Variants in ATR observed in about 807,000 individuals in gnomAD.
ATR encodes ATR checkpoint kinase.
Under a neutral mutation model 305.3 loss-of-function variants are expected in ATR, and 142 were observed. That is an observed-to-expected ratio of 0.47 (90% confidence interval 0.41 to 0.53). ATR has a LOEUF of 0.53. Among genes scored for constraint, ATR ranks in the 20% least tolerant of loss-of-function variants. ATR has a pLI of 0.00. For missense variants in ATR, 2,135 were observed against 3,133.1 expected (o/e 0.68, Z 7.60); for synonymous variants, 1,050 against 1,068.1 (o/e 0.98, Z 0.33).
chr3:142,449,479 C>G lies in ATR; in HGVS notation c.7885G>C (p.Asp2629His). 3.7e-6 allele frequency: 6 copies of G among 1,613,386 alleles called. No homozygotes were observed. Among genetic ancestry groups the G allele is most frequent in the Non-Finnish European group, 4.2e-6 (5 of 1,179,322 alleles). ...HVHYLIQEAT[D>H]ENLLCQMYLG... ...TACATCTGGCATAGTAAGTTTTCAT[C>G]AGTAGCTTCCTGTATAAGGTAATGC... The change falls in exon 47 of 47, where the codon GAT becomes CAT. Residue 2629 changes from aspartate to histidine, a missense_variant. Asp to His is a moderately conservative substitution (Grantham distance 81). Coordinates refer to ENST00000350721, the MANE Select transcript of ATR (RefSeq NM_001184.4).
chr3:142,547,740 TATG>T lies in ATR; in HGVS notation c.3339_3341del (p.Ile1114del), dbSNP rs779715723. On this transcript the variant is annotated inframe_deletion, in exon 16 of 47. Transcript: ENST00000350721. ...TATTCCTTACCATCAGTTCAGGTGA[TATG>T]ATATCTCTCGGGCCCTGATATGGAT... 61 of 1,613,724 alleles carry T rather than the reference TATG, an allele frequency of 3.8e-5. No homozygotes were observed. Among genetic ancestry groups the T allele is most frequent in the Non-Finnish European group, 4.8e-5 (57 of 1,179,830 alleles).
At chr3:142,508,817 G>A (rs1202683597) in intron 27 of ATR, among the ~76,000 whole-genome samples, 6 of 151,840 alleles carry the variant, frequency 4.0e-5, no homozygotes, top group South Asian at 2.1e-4. Context: ...CCAGCTACTC[G>A]GGGGGCTGAG....
intron 36 of ATR, among the ~76,000 whole-genome samples, chr3:142,481,477 A>G (rs2030479999): frequency 6.6e-6 from 1 of 152,186 alleles, no homozygotes; most frequent in Non-Finnish European, 1.5e-5. Context: ...CATGAGGTTT[A>G]CCAGACTTTT....
At chr3:142,541,107 A>G in intron 17 of ATR, 73 bp from the exon 18 acceptor site, 1 of 1,541,874 alleles carries the variant, frequency 6.5e-7, no homozygotes, top group South Asian at 1.1e-5. Flanking sequence ...CCTAAGGACA[A>G]GTGCTTCCCA....
At chr3:142,475,853 G>C (rs1014365271) in intron 36 of ATR, among the ~76,000 whole-genome samples, 3 of 152,222 alleles carry the variant, frequency 2.0e-5, no homozygotes, top group Non-Finnish European at 2.9e-5. Context: ...GGCCAGTGAT[G>C]ATGAGCATTT....
At chr3:142,489,418 A>C (rs1211325110) in intron 35 of ATR, among the ~76,000 whole-genome samples, 1 of 152,202 alleles carries the variant, frequency 6.6e-6, no homozygotes, top group Admixed American at 6.5e-5. Context: ...AAGAAGATGA[A>C]CATTCCTAAC....
chr3:142,515,545 A>T, intron 24 of ATR, 30 bp from the exon 25 acceptor site: 1 of 1,579,544 alleles, frequency 6.3e-7, no homozygotes, highest in Non-Finnish European at 8.7e-7. Flanking sequence ...TTTATTAAAA[A>T]GATAAATCCA....
intron 45 of ATR, among the ~76,000 whole-genome samples, chr3:142,457,172 G>C (rs2070926367): frequency 1.3e-5 from 2 of 152,180 alleles, no homozygotes; most frequent in South Asian, 4.1e-4. Context: ...ATTACATTAA[G>C]TGAAAGAAGA....
At chr3:142,454,437 CTTTT>C (rs760823609) in intron 45 of ATR, among the ~76,000 whole-genome samples, 2 of 101,470 alleles carry the variant, frequency 2.0e-5, no homozygotes, top group African/African-American at 5.0e-5. Flanking sequence ...TGATAGACAG[CTTTT>C]TTTTTTTTTT....
chr3:142,478,540 G>A (rs2030103978), intron 36 of ATR, among the ~76,000 whole-genome samples: 1 of 152,208 alleles, frequency 6.6e-6, no homozygotes, highest in Admixed American at 6.5e-5. Context: ...TAGGTGTGGT[G>A]TGGTGCTGAG....
chr3:142,495,638 G>A (rs1263885606), intron 34 of ATR, among the ~76,000 whole-genome samples: 3 of 152,124 alleles, frequency 2.0e-5, no homozygotes, highest in Non-Finnish European at 4.4e-5. Flanking sequence ...CAGCTACTCA[G>A]GAGGCTGAGG....
chr3:142,462,076 ATCTTT>A lies in ATR; in HGVS notation c.7051_7055del (p.Lys2351CysfsTer5), dbSNP rs755021350. 2.5e-6 allele frequency: 4 copies of A among 1,612,502 alleles called. No homozygotes were observed. The highest frequency in any genetic ancestry group is 3.4e-6 in the Non-Finnish European group (4 of 1,179,268). On this transcript the variant is annotated frameshift_variant, in exon 42 of 47. Coordinates refer to ENST00000350721, the MANE Select transcript of ATR (RefSeq NM_001184.4). LOFTEE classifies it high-confidence loss of function. ...GAAGTTCTCTTCTACGAGACTCTGC[ATCTTT>A]TCTTAAGCACTGTTAAAAAATACAC...
At chr3:142,541,276 T>A (rs1471396436) in intron 17 of ATR, among the ~76,000 whole-genome samples, 2 of 152,246 alleles carry the variant, frequency 1.3e-5, no homozygotes, top group Non-Finnish European at 2.9e-5. Flanking sequence ...GGTGATTTGT[T>A]ATTTTAGCCC....
chr3:142,531,259 A>G (rs2033628320), intron 21 of ATR, among the ~76,000 whole-genome samples: 1 of 146,782 alleles, frequency 6.8e-6, no homozygotes, highest in African/African-American at 2.5e-5. Flanking sequence ...ATTTTATTTT[A>G]TTTTTATTAT....
chr3:142,556,104 T>G lies in ATR; in HGVS notation c.2114A>C (p.Lys705Thr). 1 of 1,613,220 alleles carries G rather than the reference T, an allele frequency of 6.2e-7. No homozygotes were observed. Among genetic ancestry groups the G allele is most frequent in the Non-Finnish European group, 8.5e-7 (1 of 1,179,748 alleles). ...KVKDDSDIVK[K>T]EFASILGQLV... ...TTGACCAAGTATAGAAGCAAATTCT[T>G]TCTTGACAATGTCAGAATCATCTTT... The change falls in exon 10 of 47, where the codon AAA becomes ACA. Residue 705 changes from lysine (K) to threonine (T), a missense_variant. Physicochemically the swap from Lys to Thr is moderately conservative, Grantham distance 78. Coordinates refer to ENST00000350721, the MANE Select transcript of ATR (RefSeq NM_001184.4).
intron 40 of ATR, 118 bp downstream of exon 40, chr3:142,466,206 A>G: frequency 8.4e-7 from 1 of 1,189,840 alleles, no homozygotes; most frequent in Non-Finnish European, 1.2e-6. Flanking sequence ...CTGTATTTCC[A>G]ATTATTTTTC....
In ATR at chr3:142,469,437, T is replaced by G. The variant is rs1170670205; in HGVS notation, c.6452A>C (p.His2151Pro). ...GACAACAAAAACTTCATCGTGAGAATGACAAATTCGAGAGATCAATTGTGA... is the reference window on the plus strand; with the variant it reads ...GACAACAAAAACTTCATCGTGAGAAGGACAAATTCGAGAGATCAATTGTGA... ...AFSQLISRICHSHDEVFVVLM... is the reference protein window; with the variant it reads ...AFSQLISRICPSHDEVFVVLM... The change falls in exon 38 of 47, where the codon CAT (histidine) becomes CCT (proline). Residue 2151 changes from histidine (H) to proline (P), a missense_variant. By Grantham distance (77) the His-to-Pro change is moderately conservative. Coordinates refer to ENST00000350721, the MANE Select transcript of ATR (RefSeq NM_001184.4). 1 of 1,613,884 alleles carries G rather than the reference T, an allele frequency of 6.2e-7. No individual in the cohort carries two copies. The highest frequency in any genetic ancestry group is 2.2e-5 in the East Asian group (1 of 44,872).
At chr3:142,545,523 C>A (rs1390056155) in intron 16 of ATR, among the ~76,000 whole-genome samples, 4 of 152,028 alleles carry the variant, frequency 2.6e-5, no homozygotes, top group Non-Finnish European at 4.4e-5. Context: ...GTATGCCTTA[C>A]AGATTTTATT....
intron 36 of ATR, among the ~76,000 whole-genome samples, chr3:142,481,574 C>G (rs1178897043): frequency 6.6e-6 from 1 of 152,148 alleles, no homozygotes; most frequent in Non-Finnish European, 1.5e-5. Flanking sequence ...GACTTCTGGA[C>G]TTGTTTGGTT....
Sources: gnomAD v4.1 joint callset for allele counts (sites outside exome capture counted in the v4.1 genomes callset) on GRCh38, gnomAD v4.1.1 for gene constraint, MANE v1.5 for transcripts, NCBI Gene and HGNC (gene_info 2026-07-23, HGNC 2026-07-21) for gene names.